The following ERBIN variants were observed in gnomAD, a reference collection of about 807,000 sequenced individuals.
The protein encoded by ERBIN is densin-180-like protein.
Under a neutral mutation model 158.4 loss-of-function variants are expected in ERBIN, and 60 were observed. That is an observed-to-expected ratio of 0.38 (90% confidence interval 0.31 to 0.47). ERBIN has a LOEUF of 0.47. Ranked by LOEUF, ERBIN falls within the 20% of genes least tolerant of loss-of-function variation. The pLI, the probability that ERBIN is intolerant of heterozygous loss-of-function variation, is 0.99. For synonymous variants in ERBIN, 594 were observed against 557.2 expected, an observed-to-expected ratio of 1.07 and a Z score of -0.93; for missense variants, 1,610 against 1,648.0, an observed-to-expected ratio of 0.98 and a Z score of 0.40.
intron 1 of ERBIN, among the ~76,000 whole-genome samples, chr5:65,962,892 A>G (rs185383383): frequency 6.6e-6 from 1 of 152,316 alleles, no homozygotes; most frequent in African/African-American, 2.4e-5. Context: ...TGTTTCATTT[A>G]GTCTAATGCT....
At chr5:66,025,243 AT>A (rs1756110746) in intron 10 of ERBIN, 2 of 472,578 alleles carry the variant, frequency 4.2e-6, no homozygotes, top group Non-Finnish European at 7.5e-6. Context: ...CTATCAGTAT[AT>A]TTTAGTGGGA....
intron 1 of ERBIN, among the ~76,000 whole-genome samples, chr5:65,986,716 A>C (rs1273821483): frequency 1.3e-5 from 2 of 152,264 alleles, no homozygotes; most frequent in Non-Finnish European, 2.9e-5. Context: ...CAATAGTTTA[A>C]GCAAATAAGG....
rs1761601510 is a variant in ERBIN, at chr5:66,072,275, C to T, written c.3740C>T (p.Pro1247Leu). 3 of 1,550,010 alleles carry T rather than the reference C, an allele frequency of 1.9e-6. No individual in the cohort carries two copies. Among genetic ancestry groups the T allele is most frequent in the East Asian group, 2.4e-5 (1 of 40,854 alleles). ...ACACTTAGTCACAAAGATGTTCCTC[C>T]AGACAGCTTGATGAAAGTGGGTGCT... is the stretch of plus-strand genomic sequence containing the variant. ...SATLSHKDVP[P>L]DSLMKMPLSN... is the part of the protein sequence containing the mutation. Residue 1247 changes from proline (P) to leucine (L), a missense_variant, in exon 22 of 26, where the codon CCA (proline) becomes CTA (leucine). Transcript: ENST00000284037.
chr5:65,934,525 G>C (rs866919618), intron 1 of ERBIN, among the ~76,000 whole-genome samples: 2 of 152,032 alleles, frequency 1.3e-5, no homozygotes, highest in Admixed American at 6.5e-5. Context: ...TATTTTTCAT[G>C]ATTAGATCTT....
At chr5:66,017,441 TTCATATGCCTGTTTG>T (rs1429723196) in intron 7 of ERBIN, among the ~76,000 whole-genome samples, 3 of 152,138 alleles carry the variant, frequency 2.0e-5, no homozygotes. Flanking sequence ...TGATCATTTT[TTCATATGCCTGTTTG>T]TCATTTGCAC....
chr5:66,027,210 C>T (rs114725159), intron 13 of ERBIN, among the ~76,000 whole-genome samples: 22 of 151,882 alleles, frequency 1.4e-4, no homozygotes, highest in African/African-American at 3.9e-4. Context: ...AGGTGACTCA[C>T]GTAGCTTGTA....
intron 1 of ERBIN, among the ~76,000 whole-genome samples, chr5:65,960,203 C>T (rs1302412471): frequency 2.6e-5 from 4 of 152,206 alleles, no homozygotes; most frequent in African/African-American, 9.7e-5. Flanking sequence ...ATGAATGAAT[C>T]TCTGAAACAT....
chr5:66,071,612 C>G (rs1761536058), intron 21 of ERBIN, among the ~76,000 whole-genome samples: 1 of 151,906 alleles, frequency 6.6e-6, no homozygotes, highest in African/African-American at 2.4e-5. Context: ...CCAATCTTAT[C>G]CCAATAAAAT....
At chr5:65,939,988 G>A (rs1744632923) in intron 1 of ERBIN, among the ~76,000 whole-genome samples, 1 of 151,708 alleles carries the variant, frequency 6.6e-6, no homozygotes, top group African/African-American at 2.4e-5. Context: ...GAAGTGAGGA[G>A]CGTCTCTGCC....
At chr5:66,061,448 A>C (rs1449845140) in intron 21 of ERBIN, among the ~76,000 whole-genome samples, 1 of 152,020 alleles carries the variant, frequency 6.6e-6, no homozygotes, top group African/African-American at 2.4e-5. Context: ...CTTGCATGTG[A>C]GATGGGTTTC....
At chr5:65,943,099 A>G (rs1033331110) in intron 1 of ERBIN, among the ~76,000 whole-genome samples, 4 of 152,300 alleles carry the variant, frequency 2.6e-5, no homozygotes, top group African/African-American at 7.2e-5. Flanking sequence ...GCTAAAGTCT[A>G]TTGTTTATAT....
chr5:65,947,700 T>G (rs980106968), intron 1 of ERBIN, among the ~76,000 whole-genome samples: 1 of 152,192 alleles, frequency 6.6e-6, no homozygotes, highest in Non-Finnish European at 1.5e-5. Flanking sequence ...GAGACAAATA[T>G]TTTTCTTGCA....
At chr5:65,976,154 T>C (rs1749828228) in intron 1 of ERBIN, among the ~76,000 whole-genome samples, 2 of 152,114 alleles carry the variant, frequency 1.3e-5, no homozygotes, top group South Asian at 4.1e-4. Flanking sequence ...TCGTATCTTA[T>C]GGGGAAGAGT....
chr5:65,936,894 A>G (rs1254118368), intron 1 of ERBIN, among the ~76,000 whole-genome samples: 4 of 152,180 alleles, frequency 2.6e-5, no homozygotes, highest in African/African-American at 9.7e-5. Context: ...GTGTGTATCA[A>G]TTTGTACTTC....
chr5:66,054,913 C>G lies in ERBIN; in HGVS notation c.3595C>G (p.Gln1199Glu). The G allele has an allele frequency of 3.1e-6, 5 of 1,607,336 alleles. No homozygotes were observed. The highest frequency in any genetic ancestry group is 4.2e-6 in the Non-Finnish European group (5 of 1,176,820). ...KSKVPRDWREQVLRHIEAKKL... is the reference protein window; with the variant it reads ...KSKVPRDWREEVLRHIEAKKL... ...TAAAGTTCCTCGTGACTGGAGAGAA[C>G]AAGTACTTCGACATATTGAAGCCAA... The change falls in exon 21 of 26, where the codon CAA becomes GAA. Residue 1199 changes from glutamine (Q) to glutamate (E), a missense_variant. Gln to Glu is a conservative substitution (Grantham distance 29, BLOSUM62 2). Around this residue, in one of 2 missense-constraint regions of ERBIN, gnomAD observed 1,014 missense variants for 936.1 expected, o/e 1.08. Coordinates refer to ENST00000284037, the MANE Select transcript of ERBIN (RefSeq NM_001253697.2).
intron 15 of ERBIN, among the ~76,000 whole-genome samples, chr5:66,040,307 T>C (rs769995106): frequency 2.0e-5 from 3 of 151,964 alleles, no homozygotes; most frequent in Non-Finnish European, 2.9e-5. Context: ...TGGTTTCTAC[T>C]TTAATAATTC....
chr5:66,007,583 A>C (rs1327263226), intron 4 of ERBIN, among the ~76,000 whole-genome samples: 1 of 151,998 alleles, frequency 6.6e-6, no homozygotes, highest in Non-Finnish European at 1.5e-5. Flanking sequence ...GTTGTACCCA[A>C]CATTTAACAG....
chr5:66,037,784 CTAGT>C (rs556503195), intron 14 of ERBIN, among the ~76,000 whole-genome samples: 2 of 151,888 alleles, frequency 1.3e-5, no homozygotes, highest in Non-Finnish European at 2.9e-5. Flanking sequence ...CATTTGTTGA[CTAGT>C]TAGGGAAAAA....
intron 1 of ERBIN, among the ~76,000 whole-genome samples, chr5:65,986,418 C>T (rs1041495416): frequency 2.6e-5 from 4 of 152,176 alleles, no homozygotes; most frequent in Non-Finnish European, 4.4e-5. Flanking sequence ...GCTTGCTGTA[C>T]ACACAGCTTT....
Sources: gnomAD v4.1 joint callset for allele counts (sites outside exome capture counted in the v4.1 genomes callset) on GRCh38, gnomAD v4.1.1 for gene constraint, gnomAD v4.1.1 regional missense constraint, MANE v1.5 for transcripts, NCBI Gene and HGNC (gene_info 2026-07-23, HGNC 2026-07-21) for gene names.